ZNF618: variants seen among roughly 807,000 people sequenced by gnomAD.
ZNF618 encodes zinc finger protein 618.
Under a neutral mutation model 103.0 loss-of-function variants are expected in ZNF618, and 34 were observed. The ratio of observed to expected loss-of-function variants is 0.33; its 90% CI spans 0.25 to 0.44. ZNF618 has a LOEUF of 0.44. ZNF618 is among the 20% of genes least tolerant of loss of function. The pLI, the probability that ZNF618 is intolerant of heterozygous loss-of-function variation, is 1.00. For missense variants in ZNF618, 1,059 were observed against 1,295.4 expected, an observed-to-expected ratio of 0.82 and a Z score of 2.80; for synonymous variants, 551 against 542.2, an observed-to-expected ratio of 1.02 and a Z score of -0.23.
At chr9:113,908,699 G>T (rs1050936474) in intron 1 of ZNF618, among the ~76,000 whole-genome samples, 12 of 152,092 alleles carry the variant, frequency 7.9e-5, no homozygotes, top group African/African-American at 2.9e-4. Flanking sequence ...TTTGAAGACC[G>T]CTGTGCAGAG....
intron 13 of ZNF618, among the ~76,000 whole-genome samples, chr9:114,046,382 G>A (rs1302222165): frequency 6.6e-6 from 1 of 152,140 alleles, no homozygotes; most frequent in Non-Finnish European, 1.5e-5. Flanking sequence ...GTTGCCTGAA[G>A]TATTCAGTAC....
Position 114,028,814 on chromosome 9 carries a change from G to C in ZNF618, c.926G>C (p.Arg309Pro). The C allele has an allele frequency of 6.4e-7, 1 of 1,550,600 alleles. No homozygotes were observed. The highest frequency in any genetic ancestry group is 8.7e-7 in the Non-Finnish European group (1 of 1,146,992). The change falls in exon 11 of 15, where the codon CGC becomes CCC. Residue 309 changes from arginine to proline, a missense_variant. Arg to Pro is a moderately radical substitution (Grantham distance 103). Coordinates refer to ENST00000374126, the MANE Select transcript of ZNF618 (RefSeq NM_001318042.2). ...CATCCAGAGGTCTCCCCATCTCCACGCTTCGTGGCAGCGAAGACCCAGACG... is the reference window on the plus strand; with the variant it reads ...CATCCAGAGGTCTCCCCATCTCCACCCTTCGTGGCAGCGAAGACCCAGACG... ...CSHPEVSPSPRFVAAKTQTNQ... is the reference protein window; with the variant it reads ...CSHPEVSPSPPFVAAKTQTNQ...
rs945762076 is a variant in ZNF618 at position 113,924,838 on chromosome 9, G to A, written c.34-44279G>A. ...CCAAATATTTTGGAATTTTCTGGCA[G>A]TCTTTCTCTTATTGATTTCTGGTTT... On this transcript the variant is annotated intron_variant, in intron 1 of 14. Transcript: ENST00000374126. 2.6e-5 allele frequency among the ~76,000 whole-genome samples: 4 copies of A among 151,932 alleles called. No homozygotes were observed. The South Asian group carries it at 6.2e-4, about 24-fold the overall frequency.
At chr9:114,041,662 G>A (rs1476792431) in intron 13 of ZNF618, among the ~76,000 whole-genome samples, 2 of 152,090 alleles carry the variant, frequency 1.3e-5, no homozygotes, top group African/African-American at 4.8e-5. Context: ...TATTTCTGAG[G>A]GCTCTGTTCT....
chr9:114,008,667 G>A (rs771703396), intron 9 of ZNF618, 113 bp downstream of exon 9: 2 of 1,255,298 alleles, frequency 1.6e-6, no homozygotes, highest in East Asian at 2.5e-5. Flanking sequence ...CTTAACTGCA[G>A]CAATGGTGCC....
chr9:113,921,081 A>G (rs1172476885), intron 1 of ZNF618, among the ~76,000 whole-genome samples: 1 of 152,226 alleles, frequency 6.6e-6, no homozygotes, highest in Non-Finnish European at 1.5e-5. Flanking sequence ...GACACAGATC[A>G]GATGTTGAAT....
Position 114,055,845 on chromosome 9 carries a change from A to G in ZNF618, c.*5678A>G, listed in dbSNP as rs1344798774. 6.6e-6 allele frequency: 1 copy of G among 152,326 alleles called. No individual in the cohort carries two copies. Among genetic ancestry groups the G allele is most frequent in the Non-Finnish European group, 1.5e-5 (1 of 67,992 alleles). The allele number at this position is 152,326 out of a possible 1,614,324, so 9.4% of individuals were successfully genotyped here. A position where few individuals can be genotyped will look rare whatever the true frequency, so the allele number is the denominator to read the frequency against. ...AGTTTTATGTGTTTAATATTTCTTA[A>G]TACCGGTAGCATTAATTTATACTTT... On this transcript the variant is annotated 3_prime_UTR_variant, in exon 15 of 15. Transcript: ENST00000374126.
chr9:113,925,419 T>C (rs1425463748), intron 1 of ZNF618, among the ~76,000 whole-genome samples: 1 of 151,348 alleles, frequency 6.6e-6, no homozygotes, highest in Non-Finnish European at 1.5e-5. Context: ...GAGTTTCTTA[T>C]AGACAGCATG....
rs1842227913 is a variant in ZNF618, at chr9:114,011,405, A to G, written c.754+2851A>G. 2.6e-5 allele frequency among the ~76,000 whole-genome samples: 4 copies of G among 152,192 alleles called. No homozygotes were observed. The South Asian group carries it at 6.2e-4, about 24-fold the overall frequency. ...ACAGCCAACGCCAGGACCTGGGAGG[A>G]ATTAATCAAATTATTAGGAGTGTAG... On this transcript the variant is annotated intron_variant, in intron 9 of 14. Transcript: ENST00000374126.
In ZNF618 at chr9:113,994,148, G is replaced by A. The variant is rs192613138; in HGVS notation, c.338-4111G>A. Among the ~76,000 whole-genome samples the A allele has an allele frequency of 1.2e-3, 190 of 152,360 alleles. 1 individual carries two copies. Among genetic ancestry groups the A allele is most frequent in the Admixed American group, 4.2e-3 (65 of 15,306 alleles). On this transcript the variant is annotated intron_variant, in intron 3 of 14. Coordinates refer to ENST00000374126, the MANE Select transcript of ZNF618 (RefSeq NM_001318042.2). ...CACATAGGGCAGCCCAGAGAGCCAG[G>A]AAAAGAGGAGGAAGGAGCTCCAACC... is the stretch of plus-strand genomic sequence containing the variant.
At chr9:113,943,452 G>C (rs1395242786) in intron 1 of ZNF618, among the ~76,000 whole-genome samples, 1 of 152,156 alleles carries the variant, frequency 6.6e-6, no homozygotes, top group Non-Finnish European at 1.5e-5. Context: ...CTCTGTTAGG[G>C]AGTGTCTGGG....
chr9:113,914,807 C>G (rs1380904340), intron 1 of ZNF618, among the ~76,000 whole-genome samples: 1 of 152,152 alleles, frequency 6.6e-6, no homozygotes, highest in East Asian at 1.9e-4. Flanking sequence ...AGTTGCTCAT[C>G]TTTAAAAATT....
At chr9:114,022,452 A>T (rs923933604) in intron 10 of ZNF618, among the ~76,000 whole-genome samples, 2 of 152,020 alleles carry the variant, frequency 1.3e-5, no homozygotes, top group African/African-American at 4.8e-5. Flanking sequence ...TTTGGGAATT[A>T]TCCAGATTTT....
intron 1 of ZNF618, among the ~76,000 whole-genome samples, chr9:113,958,118 A>G (rs897569266): frequency 2.0e-5 from 3 of 152,096 alleles, no homozygotes; most frequent in Non-Finnish European, 1.5e-5. Context: ...GCATTTATGC[A>G]CCCAGAGGAG....
rs768197782 is a variant in ZNF618 at position 114,002,627 on chromosome 9, C to T, written c.515C>T (p.Thr172Ile). The change falls in exon 6 of 15, where the codon ACC becomes ATC. Residue 172 changes from threonine to isoleucine, a missense_variant. Physicochemically the swap from Thr to Ile is moderately conservative, Grantham distance 89. Around this residue, in one of 6 missense-constraint regions of ZNF618, gnomAD observed 434 missense variants for 476.0 expected, o/e 0.91. Coordinates refer to ENST00000374126, the MANE Select transcript of ZNF618 (RefSeq NM_001318042.2). ...CCCTCTCTCTCTCTCTTTGCAGACA[C>T]CGAAGCCACCTCAGGGGAGGGAGCC... Reference protein sequence around the residue: ...FQTHVRAHRDTEATSGEGASQ... With the variant: ...FQTHVRAHRDIEATSGEGASQ... 6.2e-7 allele frequency: 1 copy of T among 1,610,788 alleles called. No individual in the cohort carries two copies. The highest frequency in any genetic ancestry group is 1.7e-5 in the Admixed American group (1 of 60,004).
intron 1 of ZNF618, among the ~76,000 whole-genome samples, chr9:113,928,680 C>G (rs1833307617): frequency 6.6e-6 from 1 of 152,044 alleles, no homozygotes; most frequent in African/African-American, 2.4e-5. Flanking sequence ...TTTAGATTTC[C>G]CTAGAAACTC....
chr9:114,003,036 G>A (rs1215712992), intron 6 of ZNF618, among the ~76,000 whole-genome samples: 1 of 152,200 alleles, frequency 6.6e-6, no homozygotes, highest in East Asian at 1.9e-4. Flanking sequence ...CTGGATATGC[G>A]GGTCCTTGTG....
At chr9:114,040,445 C>G (rs1845050594) in intron 13 of ZNF618, among the ~76,000 whole-genome samples, 1 of 151,768 alleles carries the variant, frequency 6.6e-6, no homozygotes, top group African/African-American at 2.4e-5. Flanking sequence ...CCCATTAACT[C>G]GTCATTTACA....
Position 114,052,599 on chromosome 9 carries a change from C to T in ZNF618, c.*2432C>T, listed in dbSNP as rs1050890221. The T allele has an allele frequency of 3.0e-4, 45 of 152,236 alleles. No homozygotes were observed. Among genetic ancestry groups the T allele is most frequent in the African/African-American group, 1.1e-3 (44 of 41,452 alleles). The allele number at this position is 152,236 out of a possible 1,614,324, so 9.4% of individuals were successfully genotyped here. A position where few individuals can be genotyped will look rare whatever the true frequency, so the allele number is the denominator to read the frequency against. ...ATTGACAGATGCTACAGCAAAAGGT[C>T]CCTCTAGCGTTGCTTGACTGCTGGG... On this transcript the variant is annotated 3_prime_UTR_variant, in exon 15 of 15. Coordinates refer to ENST00000374126, the MANE Select transcript of ZNF618 (RefSeq NM_001318042.2).
Sources: gnomAD v4.1 joint callset for allele counts (sites outside exome capture counted in the v4.1 genomes callset) on GRCh38, gnomAD v4.1.1 for gene constraint, gnomAD v4.1.1 regional missense constraint, MANE v1.5 for transcripts, NCBI Gene and HGNC (gene_info 2026-07-23, HGNC 2026-07-21) for gene names.